The following PALM2AKAP2 variants were observed in gnomAD, a reference collection of about 807,000 sequenced individuals.
PALM2AKAP2 encodes PALM2 and AKAP2 fusion, also known as PALM2-AKAP2 fusion protein.
Under a neutral mutation model 71.5 loss-of-function variants are expected in PALM2AKAP2, and 37 were observed. That is an observed-to-expected ratio of 0.52 (90% CI 0.40 to 0.68). PALM2AKAP2 has a LOEUF of 0.68. PALM2AKAP2 is among the 30% of genes least tolerant of loss of function. The probability of loss-of-function intolerance (pLI) is 0.00; values close to 1 mark genes in which losing one functional copy is unlikely to be tolerated. For synonymous variants in PALM2AKAP2, 468 were observed against 478.8 expected (o/e 0.98, Z 0.29); for missense variants, 1,224 against 1,191.8 (o/e 1.03, Z -0.40).
rs1396204319 is a variant in PALM2AKAP2, at chr9:110,058,900, T to G, written c.156+10045T>G. 1.5e-5 allele frequency among the ~76,000 whole-genome samples: 2 copies of G among 137,266 alleles called. 1 individual carries two copies. The highest frequency in any genetic ancestry group is 3.1e-5 in the Non-Finnish European group (2 of 65,262). The allele number at this position is 137,266 out of a possible 152,430, so 90.1% of individuals were successfully genotyped here. A position where few individuals can be genotyped will look rare whatever the true frequency, so the allele number is the denominator to read the frequency against. On this transcript the variant is annotated intron_variant, in intron 1 of 3. Transcript: ENST00000374525. Reference sequence around the variant, plus strand: ...GTATACTGATGGAAAGTTTTTTGGTTTTTTTTTTTTTTTTTTTTGAGATGG... The same window carrying G: ...GTATACTGATGGAAAGTTTTTTGGTGTTTTTTTTTTTTTTTTTTGAGATGG...
chr9:109,942,325 TTGTC>T (rs1264001423), intron 6 of PALM2AKAP2, among the ~76,000 whole-genome samples: 3 of 152,244 alleles, frequency 2.0e-5, no homozygotes, highest in South Asian at 2.1e-4. Context: ...GGTTTGTAAA[TTGTC>T]TGTCAGCCTG....
intron 1 of PALM2AKAP2, among the ~76,000 whole-genome samples, chr9:109,685,455 G>T (rs1181234349): frequency 6.6e-6 from 1 of 151,672 alleles, no homozygotes; most frequent in Non-Finnish European, 1.5e-5. Flanking sequence ...AGTTTTTTTT[G>T]GTTTCCCAGT....
At position 109,769,811 on chromosome 9, in the gene PALM2AKAP2, C is replaced by G. The variant is rs372027522; in HGVS notation, c.6-10677C>G. Among the ~76,000 whole-genome samples the G allele has an allele frequency of 4.6e-4, 70 of 152,064 alleles. 1 individual carries two copies. The South Asian group carries it at 0.014, about 31-fold the overall frequency. On this transcript the variant is annotated intron_variant, in intron 1 of 6. Transcript: ENST00000374531. ...CTGAAATCTATTTTTGTTTTTGTTT[C>G]CACCTAGAATAGAAAGCACTTTCAA...
intron 1 of PALM2AKAP2, among the ~76,000 whole-genome samples, chr9:109,690,138 T>C (rs1394286707): frequency 6.6e-6 from 1 of 152,184 alleles, no homozygotes; most frequent in Admixed American, 6.5e-5. Flanking sequence ...CTCAGGAGGC[T>C]GTTCCCCATA....
intron 6 of PALM2AKAP2, among the ~76,000 whole-genome samples, chr9:109,933,131 G>A (rs1413926947): frequency 2.6e-5 from 4 of 152,158 alleles, no homozygotes; most frequent in African/African-American, 7.2e-5. Context: ...GAGATGGTTG[G>A]GACTGTAAGT....
chr9:109,831,811 T>C (rs1828308219), intron 1 of PALM2AKAP2, among the ~76,000 whole-genome samples: 1 of 152,214 alleles, frequency 6.6e-6, no homozygotes, highest in Non-Finnish European at 1.5e-5. Flanking sequence ...TCTTTCTGAT[T>C]GCTGCATTAG....
chr9:109,768,259 T>G (rs892075369), intron 1 of PALM2AKAP2, among the ~76,000 whole-genome samples: 2 of 152,114 alleles, frequency 1.3e-5, no homozygotes, highest in Admixed American at 6.5e-5. Context: ...GCTCAGTTGA[T>G]TGTCCTTTTA....
At chr9:110,123,139 G>A (rs1835526577) in intron 1 of PALM2AKAP2, among the ~76,000 whole-genome samples, 1 of 152,172 alleles carries the variant, frequency 6.6e-6, no homozygotes, top group Non-Finnish European at 1.5e-5. Flanking sequence ...GTGTGTTTTT[G>A]TGTGCATGCA....
chr9:109,664,871 G>T lies in PALM2AKAP2; in HGVS notation c.5+24005G>T, dbSNP rs564444034. On this transcript the variant is annotated intron_variant, in intron 1 of 6. Transcript: ENST00000374531. ...TTTTCACATAGTCCCATATTTCTTG[G>T]AAGCTTTGTTTGTTCCTTTTTGCTC... Among the ~76,000 whole-genome samples the T allele has an allele frequency of 2.0e-5, 3 of 152,238 alleles. No individual in the cohort carries two copies. The East Asian group carries it at 5.8e-4, about 29-fold the overall frequency.
intron 1 of PALM2AKAP2, among the ~76,000 whole-genome samples, chr9:109,704,427 TC>T (rs1828110465): frequency 6.6e-6 from 1 of 152,226 alleles, no homozygotes; most frequent in African/African-American, 2.4e-5. Context: ...TTGACATGGA[TC>T]CAATTAAATG....
intron 1 of PALM2AKAP2, among the ~76,000 whole-genome samples, chr9:109,697,755 T>C (rs1827993898): frequency 6.6e-6 from 1 of 152,220 alleles, no homozygotes; most frequent in East Asian, 1.9e-4. Context: ...TGCAATTCTG[T>C]TAATTTTCTT....
At chr9:110,135,019 A>G (rs528182650) in intron 1 of PALM2AKAP2, among the ~76,000 whole-genome samples, 140 of 150,724 alleles carry the variant, frequency 9.3e-4, no homozygotes, top group Middle Eastern at 3.4e-3. Flanking sequence ...AACTGGTAGA[A>G]AAATAAGATG....
At chr9:109,987,167 G>A (rs954951882) in intron 6 of PALM2AKAP2, among the ~76,000 whole-genome samples, 1 of 152,090 alleles carries the variant, frequency 6.6e-6, no homozygotes, top group East Asian at 1.9e-4. Flanking sequence ...GTCTTGCTCT[G>A]TTGCCCAGGC....
intron 1 of PALM2AKAP2, among the ~76,000 whole-genome samples, chr9:109,799,672 T>A (rs543916893): frequency 2.4e-4 from 37 of 152,284 alleles, no homozygotes; most frequent in South Asian, 2.1e-4. Flanking sequence ...TTTTTTGTAT[T>A]TTTTGTAGAG....
At chr9:109,653,824 C>T (rs1188971731) in intron 1 of PALM2AKAP2, among the ~76,000 whole-genome samples, 1 of 152,168 alleles carries the variant, frequency 6.6e-6, no homozygotes, top group Non-Finnish European at 1.5e-5. Flanking sequence ...TTACATTTCC[C>T]ATCCTAAGAC....
At chr9:110,156,021 C>T (rs1836445576) in intron 2 of PALM2AKAP2, among the ~76,000 whole-genome samples, 1 of 152,208 alleles carries the variant, frequency 6.6e-6, no homozygotes, top group Non-Finnish European at 1.5e-5. Context: ...GAATACATAT[C>T]TCAAAACAAC....
intron 1 of PALM2AKAP2, among the ~76,000 whole-genome samples, chr9:109,794,631 T>C (rs2094453): frequency 0.83 from 126,232 of 152,084 alleles, 52,866 homozygotes; most frequent in East Asian, 0.96. Context: ...GAGTGGCCAC[T>C]AGGTAAAAGT....
chr9:109,761,573 G>A (rs1046149636), intron 1 of PALM2AKAP2, among the ~76,000 whole-genome samples: 2 of 152,124 alleles, frequency 1.3e-5, no homozygotes, highest in Admixed American at 6.5e-5. Flanking sequence ...ACCTCCGTGT[G>A]TCCACGTGTT....
intron 2 of PALM2AKAP2, among the ~76,000 whole-genome samples, chr9:110,152,806 A>T (rs903786167): frequency 1.2e-4 from 19 of 152,180 alleles, no homozygotes; most frequent in African/African-American, 4.6e-4. Flanking sequence ...GGCACCCAGA[A>T]TTCTGGTGCC....
Sources: gnomAD v4.1 joint callset for allele counts (sites outside exome capture counted in the v4.1 genomes callset) on GRCh38, gnomAD v4.1.1 for gene constraint, MANE v1.5 for transcripts, NCBI Gene and HGNC (gene_info 2026-07-23, HGNC 2026-07-21) for gene names.